The following IFI16 variants were observed in gnomAD, a reference collection of about 807,000 sequenced individuals.
The protein encoded by IFI16 is gamma-interferon-inducible protein 16.
Under a neutral mutation model 68.4 loss-of-function variants are expected in IFI16, and 49 were observed. The ratio of observed to expected loss-of-function variants is 0.72; its 90% CI spans 0.57 to 0.91. The LOEUF (loss-of-function observed/expected upper bound fraction) is 0.91. Ranked by LOEUF, IFI16 falls within the 40% of genes least tolerant of loss-of-function variation. IFI16 has a pLI of 0.00. For missense variants in IFI16, 878 were observed against 942.9 expected (o/e 0.93, Z 0.90); for synonymous variants, 307 against 315.0 (o/e 0.97, Z 0.27).
At chr1:159,013,847 CA>C (rs1305272539) in intron 1 of IFI16, among the ~76,000 whole-genome samples, 1 of 152,116 alleles carries the variant, frequency 6.6e-6, no homozygotes, top group East Asian at 1.9e-4. Flanking sequence ...GCAGCTTATT[CA>C]ACACTTTCTG....
At position 159,054,816 on chromosome 1, in the gene IFI16, T is replaced by A; in HGVS notation, c.2278-5T>A. On this transcript the variant is annotated splice_polypyrimidine_tract_variant and splice_region_variant and intron_variant, in intron 11 of 11. Transcript: ENST00000295809. ...TGGTCTGTCTTTATCTCTTTCTCCT[T>A]CAAGGTCATCAAGACCAGGAAAAAC... The A allele has an allele frequency of 6.4e-7, 1 of 1,563,196 alleles. No individual in the cohort carries two copies. The highest frequency in any genetic ancestry group is 2.2e-5 in the East Asian group (1 of 44,594).
chr1:159,012,911 A>G (rs1177413497), intron 1 of IFI16, among the ~76,000 whole-genome samples: 1 of 152,192 alleles, frequency 6.6e-6, no homozygotes, highest in Non-Finnish European at 1.5e-5. Flanking sequence ...TGCAATTGAT[A>G]TGGAACTTTG....
chr1:159,016,608 T>C lies in IFI16; in HGVS notation c.457T>C (p.Ser153Pro). 6.2e-7 allele frequency: 1 copy of C among 1,614,014 alleles called. No individual in the cohort carries two copies. Among genetic ancestry groups the C allele is most frequent in the Non-Finnish European group, 8.5e-7 (1 of 1,179,946 alleles). ...GTCCGAGGAACAGACTCAGCCTCCC[T>C]CTCCTGCAGGAGCCGGCATGTCCAC... ...KVSEEQTQPP[S>P]PAGAGMSTAM... The change falls in exon 4 of 12, where the codon TCT becomes CCT. Residue 153 changes from serine (S) to proline (P), a missense_variant. Around this residue, in one of 4 missense-constraint regions of IFI16, gnomAD observed 443 missense variants for 421.8 expected, o/e 1.05. Coordinates refer to ENST00000295809, the MANE Select transcript of IFI16 (RefSeq NM_001376587.1).
At chr1:159,040,436 TTTTC>T (rs1472324525) in intron 7 of IFI16, among the ~76,000 whole-genome samples, 1 of 152,226 alleles carries the variant, frequency 6.6e-6, no homozygotes, top group Non-Finnish European at 1.5e-5. Context: ...GTTGTTAATC[TTTTC>T]TTTCTTAAAT....
At chr1:159,004,355 C>T (rs1297815192), upstream of IFI16, among the ~76,000 whole-genome samples, 1 of 151,860 alleles carries the variant, frequency 6.6e-6, no homozygotes, top group East Asian at 1.9e-4. Flanking sequence ...GTTAATTTTG[C>T]CCTTATTGCT....
At chr1:159,046,135 G>C (rs1654969079) in intron 8 of IFI16, among the ~76,000 whole-genome samples, 1 of 151,112 alleles carries the variant, frequency 6.6e-6, no homozygotes, top group African/African-American at 2.4e-5. Flanking sequence ...ATTATAAAAT[G>C]ATCCTACGTT....
chr1:159,046,700 C>A (rs116831639), intron 8 of IFI16, among the ~76,000 whole-genome samples: 1 of 150,928 alleles, frequency 6.6e-6, no homozygotes, highest in Non-Finnish European at 1.5e-5. Context: ...CAAATTTTTC[C>A]ATCTCAATTC....
upstream of IFI16, among the ~76,000 whole-genome samples, chr1:159,004,686 G>A (rs756914504): frequency 2.6e-5 from 4 of 152,076 alleles, no homozygotes; most frequent in Non-Finnish European, 5.9e-5. Flanking sequence ...GCAAGACTCC[G>A]TCTCAAAAGA....
Position 159,015,972 on chromosome 1 carries a change from A to G in IFI16, c.366A>G (p.Ala122=). 1 of 1,613,328 alleles carries G rather than the reference A, an allele frequency of 6.2e-7. No individual in the cohort carries two copies. The highest frequency in any genetic ancestry group is 2.2e-5 in the East Asian group (1 of 44,870). ...CTGTCAAAACTGAAGGAGCAGAGGC[A>G]ACTCCTGGAGCTCAGGTAAGCTTCA... The part of the protein sequence containing the change: ...SSTVKTEGAE[A]TPGAQKRKKS... Residue 122 remains alanine (A), a synonymous_variant, in exon 3 of 12, where the codon GCA becomes GCG. Coordinates refer to ENST00000295809, the MANE Select transcript of IFI16 (RefSeq NM_001376587.1).
In IFI16 at chr1:159,015,978, T is replaced by G; in HGVS notation, c.372T>G (p.Pro124=). The G allele has an allele frequency of 6.2e-7, 1 of 1,612,058 alleles. No individual in the cohort carries two copies. ...TVKTEGAEAT[P]GAQKRKKSTK... ...AAACTGAAGGAGCAGAGGCAACTCC[T>G]GGAGCTCAGGTAAGCTTCAGGAAGA... Residue 124 remains proline (P), a synonymous_variant, in exon 3 of 12, where the codon CCT becomes CCG. Transcript: ENST00000295809.
At position 159,018,470 on chromosome 1, in the gene IFI16, A is replaced by C; in HGVS notation, c.791A>C (p.Tyr264Ser). The change falls in exon 5 of 12, where the codon TAT becomes TCT. Residue 264 changes from tyrosine to serine, a missense_variant. Physicochemically the swap from Tyr to Ser is moderately radical, Grantham distance 144. Transcript: ENST00000295809. ...NGKKIIIISD[Y>S]LEYDSLLEVN... ...AAGAAAATCATCATCATATCAGATT[A>C]TTTGGAATATGATAGTCTCCTAGAG... is the stretch of plus-strand genomic sequence containing the variant. 1 of 1,612,834 alleles carries C rather than the reference A, an allele frequency of 6.2e-7. No individual in the cohort carries two copies. The highest frequency in any genetic ancestry group is 8.5e-7 in the Non-Finnish European group (1 of 1,178,774).
chr1:159,027,687 T>C (rs923063193), intron 6 of IFI16, among the ~76,000 whole-genome samples: 1 of 152,190 alleles, frequency 6.6e-6, no homozygotes, highest in Non-Finnish European at 1.5e-5. Context: ...AAATTATTTT[T>C]TATTACCATT....
intron 6 of IFI16, among the ~76,000 whole-genome samples, chr1:159,021,422 C>G (rs1283998876): frequency 3.3e-5 from 5 of 152,138 alleles, no homozygotes; most frequent in Admixed American, 6.5e-5. Context: ...CTGTGAATGC[C>G]GTTATTTTGT....
chr1:159,007,514 A>G (rs1327950895), upstream of IFI16, among the ~76,000 whole-genome samples: 1 of 152,200 alleles, frequency 6.6e-6, no homozygotes, highest in African/African-American at 2.4e-5. Flanking sequence ...TCCAACACTA[A>G]CTAGGCGCCT....
At chr1:159,048,395 G>A (rs965538672) in intron 8 of IFI16, among the ~76,000 whole-genome samples, 1 of 151,492 alleles carries the variant, frequency 6.6e-6, no homozygotes, top group African/African-American at 2.4e-5. Flanking sequence ...CACACAAATA[G>A]TATTAGAGTC....
In IFI16 at chr1:159,014,960, G is replaced by A. The variant is rs769212732; in HGVS notation, c.265+15G>A. On this transcript the variant is annotated intron_variant, in intron 2 of 11. Transcript: ENST00000295809. Reference sequence around the variant, plus strand: ...AAAGTTAAAAGGTAATTGGGAAGAGGGAACACCCACTCCCTGCAACCATCC... The same window carrying A: ...AAAGTTAAAAGGTAATTGGGAAGAGAGAACACCCACTCCCTGCAACCATCC... 8.2e-6 allele frequency: 13 copies of A among 1,589,580 alleles called. No homozygotes were observed. The highest frequency in any genetic ancestry group is 9.4e-6 in the Non-Finnish European group (11 of 1,168,430).
chr1:159,050,482 T>C (rs550315536), intron 9 of IFI16, among the ~76,000 whole-genome samples: 1 of 152,306 alleles, frequency 6.6e-6, no homozygotes, highest in South Asian at 2.1e-4. Flanking sequence ...CCTAATGTTA[T>C]GGAAAATTGG....
chr1:159,043,559 C>T lies in IFI16; in HGVS notation c.1330-1738C>T, dbSNP rs542177192. Among the ~76,000 whole-genome samples, 764 of 152,268 alleles carry T rather than the reference C, an allele frequency of 5.0e-3. 4 individuals are homozygous for T. Among genetic ancestry groups the T allele is most frequent in the African/African-American group, 0.017 (707 of 41,546 alleles). On this transcript the variant is annotated intron_variant, in intron 7 of 11. Coordinates refer to ENST00000295809, the MANE Select transcript of IFI16 (RefSeq NM_001376587.1). ...TGACCAATCAGTCTGTGATTCGCAA[C>T]GTAAGCCGGGAATCCTTGCTCTTAT...
intron 9 of IFI16, among the ~76,000 whole-genome samples, chr1:159,051,236 A>G (rs1204644481): frequency 6.6e-6 from 1 of 151,734 alleles, no homozygotes; most frequent in African/African-American, 2.4e-5. Flanking sequence ...AGACCAGAAC[A>G]TGGAGGCAGG....
Sources: gnomAD v4.1 joint callset for allele counts (sites outside exome capture counted in the v4.1 genomes callset) on GRCh38, gnomAD v4.1.1 for gene constraint, gnomAD v4.1.1 regional missense constraint, MANE v1.5 for transcripts, NCBI Gene and HGNC (gene_info 2026-07-23, HGNC 2026-07-21) for gene names.